Variants in HSPA12A observed in about 807,000 individuals in gnomAD.
HSPA12A encodes heat shock 70 kDa protein 12A.
HSPA12A carries 28 observed loss-of-function variants against 69.2 expected under a neutral mutation model. The observed-to-expected ratio is 0.40, with a 90% CI of 0.30 to 0.55. HSPA12A has a LOEUF of 0.55. Ranked by LOEUF, HSPA12A falls within the 20% of genes least tolerant of loss-of-function variation. HSPA12A has a pLI of 0.38. For missense variants in HSPA12A, 686 were observed against 900.7 expected (o/e 0.76, Z 3.05); for synonymous variants, 345 against 370.5 (o/e 0.93, Z 0.79).
At chr10:116,690,600 A>G (rs1438459067) in intron 6 of HSPA12A, among the ~76,000 whole-genome samples, 1 of 152,124 alleles carries the variant, frequency 6.6e-6, no homozygotes, top group Non-Finnish European at 1.5e-5. Context: ...ATTCATAAAC[A>G]CAGCTCACAT....
chr10:116,791,222 T>C (rs1272347980), intron 2 of HSPA12A, among the ~76,000 whole-genome samples: 2 of 152,174 alleles, frequency 1.3e-5, no homozygotes, highest in African/African-American at 4.8e-5. Context: ...TGTCTGAAGC[T>C]TGAAGAGCCT....
At chr10:116,741,413 A>C (rs1851500958) in intron 1 of HSPA12A, among the ~76,000 whole-genome samples, 1 of 152,156 alleles carries the variant, frequency 6.6e-6, no homozygotes, top group Non-Finnish European at 1.5e-5. Flanking sequence ...CGGCATTTTA[A>C]TATCATCCTC....
intron 10 of HSPA12A, among the ~76,000 whole-genome samples, chr10:116,677,554 T>C (rs185674353): frequency 4.0e-4 from 61 of 152,190 alleles, no homozygotes; most frequent in Admixed American, 1.9e-3. Context: ...GTGCCCTCTG[T>C]GGGGGACTAA....
At chr10:116,846,331 C>CTTTT (rs398054763) in intron 1 of HSPA12A, among the ~76,000 whole-genome samples, 24 of 140,584 alleles carry the variant, frequency 1.7e-4, no homozygotes, top group African/African-American at 6.3e-4. Context: ...TTTTTCTTTT[C>CTTTT]TTTTTTTTTT....
intron 2 of HSPA12A, among the ~76,000 whole-genome samples, chr10:116,756,398 A>C (rs1554888788): frequency 6.6e-6 from 1 of 152,264 alleles, no homozygotes; most frequent in Non-Finnish European, 1.5e-5. Context: ...TTGATTCGAG[A>C]AAACACATTA....
chr10:116,701,987 C>G (rs1229572579), intron 3 of HSPA12A, among the ~76,000 whole-genome samples: 10 of 152,060 alleles, frequency 6.6e-5, no homozygotes, highest in Admixed American at 6.6e-4. Context: ...TATCCTGGAG[C>G]AGAGGTGAAA....
rs1554877040 is a variant in HSPA12A, at chr10:116,673,372, A to G, written c.*1409T>C. 1 of 152,106 alleles carries G rather than the reference A, an allele frequency of 6.6e-6. No individual in the cohort carries two copies. The highest frequency in any genetic ancestry group is 1.5e-5 in the Non-Finnish European group (1 of 68,026). The allele number at this position is 152,106 out of a possible 1,614,324, so 9.4% of individuals were successfully genotyped here. On this transcript the variant is annotated 3_prime_UTR_variant, in exon 12 of 12. Transcript: ENST00000369209. ...GGTGGAGCCCCAATCCCATTGACCA[A>G]GAGGGCAAGGTATGGGGTCACCTTC...
chr10:116,798,478 A>G (rs1844882659), intron 2 of HSPA12A, among the ~76,000 whole-genome samples: 1 of 152,198 alleles, frequency 6.6e-6, no homozygotes, highest in Non-Finnish European at 1.5e-5. Context: ...GCAATGTTCA[A>G]GTGAGTTTCA....
At chr10:116,797,462 G>A (rs765974281) in intron 2 of HSPA12A, among the ~76,000 whole-genome samples, 2 of 152,162 alleles carry the variant, frequency 1.3e-5, no homozygotes, top group Non-Finnish European at 2.9e-5. Flanking sequence ...AGGGCTGTTC[G>A]TGTGGATGTG....
At position 116,674,961 on chromosome 10, in the gene HSPA12A, G is replaced by A. The variant is rs782490956; in HGVS notation, c.1848C>T (p.Pro616=). Reference sequence around the variant, plus strand: ...GGAGCGTGCCACACTTCTTCACCCCGGGATCAGTGATGAAGCTGACGTTGT... The same window carrying A: ...GGAGCGTGCCACACTTCTTCACCCCAGGATCAGTGATGAAGCTGACGTTGT... ...EHDNVSFITD[P]GVKKCGTLRL... is the part of the protein sequence containing the mutation. Residue 616 remains proline, a synonymous_variant, in exon 12 of 12, where the codon CCC becomes CCT. Transcript: ENST00000369209. 88 of 1,614,026 alleles carry A rather than the reference G, an allele frequency of 5.5e-5. No individual in the cohort carries two copies. Among genetic ancestry groups the A allele is most frequent in the Admixed American group, 8.3e-5 (5 of 60,002 alleles).
In HSPA12A at chr10:116,723,627, G is replaced by A. The variant is rs1232256109; in HGVS notation, c.41-16342C>T. On this transcript the variant is annotated intron_variant, in intron 1 of 11. Transcript: ENST00000369209. The surrounding 1 kb of genome is among the most constrained non-coding windows in gnomAD (Gnocchi z 4.1). ...TCCAGCACCGAGCTGGGTGAGGTTA[G>A]GTGCTCAGGAAGCATGGGGCCTCCC... is the stretch of plus-strand genomic sequence containing the variant. Among the ~76,000 whole-genome samples the A allele has an allele frequency of 2.0e-5, 3 of 152,224 alleles. No individual in the cohort carries two copies. The highest frequency in any genetic ancestry group is 7.2e-5 in the African/African-American group (3 of 41,456).
rs1213444586 is a variant in HSPA12A, at chr10:116,723,959, C to T, written c.41-16674G>A. 1.3e-5 allele frequency among the ~76,000 whole-genome samples: 2 copies of T among 152,248 alleles called. No individual in the cohort carries two copies. The highest frequency in any genetic ancestry group is 4.8e-5 in the African/African-American group (2 of 41,468). On this transcript the variant is annotated intron_variant, in intron 1 of 11. Transcript: ENST00000369209. The surrounding 1 kb of genome is among the most constrained non-coding windows in gnomAD (Gnocchi z 4.1). ...CAGGCATAGACAGCACTCTGCTGAG[C>T]CATCCATGGCTGCATGGCCCCAACA...
rs1195097923 is a variant in HSPA12A, at chr10:116,681,049, G to A, written c.1027+103C>T. ...CCACCGCCTACGATCCCACATGTTA[G>A]TGGCATTCAAGAGAATAAAACTGAG... is the stretch of plus-strand genomic sequence containing the variant. On this transcript the variant is annotated intron_variant, in intron 9 of 11. Coordinates refer to ENST00000369209, the MANE Select transcript of HSPA12A (RefSeq NM_025015.3). The A allele has an allele frequency of 3.9e-6, 3 of 764,514 alleles. No individual in the cohort carries two copies. In the African/African-American group the frequency reaches 5.1e-5, roughly 13 times the overall value. The allele number at this position is 764,514 out of a possible 1,614,324, so 47.4% of individuals were successfully genotyped here.
intron 2 of HSPA12A, among the ~76,000 whole-genome samples, chr10:116,796,883 CAT>C (rs5788194): frequency 0.13 from 19,627 of 152,122 alleles, 2,029 homozygotes; most frequent in African/African-American, 0.29. Context: ...TGCAATCTGT[CAT>C]TTCCAAACCC....
intron 1 of HSPA12A, among the ~76,000 whole-genome samples, chr10:116,728,016 G>A (rs1554885266): frequency 1.3e-5 from 2 of 152,088 alleles, no homozygotes; most frequent in African/African-American, 4.8e-5. Context: ...CACCATGTTG[G>A]CCAGGCTGGT....
intron 2 of HSPA12A, among the ~76,000 whole-genome samples, chr10:116,795,523 A>AG (rs1844799698): frequency 6.6e-6 from 1 of 150,616 alleles, no homozygotes; most frequent in African/African-American, 2.4e-5. Context: ...ACTAAAAAAA[A>AG]AAAAATACAA....
chr10:116,714,377 C>T (rs1554883521), intron 1 of HSPA12A, among the ~76,000 whole-genome samples: 1 of 152,152 alleles, frequency 6.6e-6, no homozygotes, highest in Non-Finnish European at 1.5e-5. Context: ...GTAAAACCAC[C>T]ACTGCTCCCA....
At chr10:116,811,722 C>G (rs574604728) in intron 2 of HSPA12A, among the ~76,000 whole-genome samples, 4 of 152,318 alleles carry the variant, frequency 2.6e-5, no homozygotes, top group South Asian at 4.1e-4. Flanking sequence ...ATCAAACTGC[C>G]TGCGCTCCGT....
intron 2 of HSPA12A, among the ~76,000 whole-genome samples, chr10:116,813,643 C>A (rs977194158): frequency 2.0e-5 from 3 of 152,090 alleles, no homozygotes; most frequent in Non-Finnish European, 4.4e-5. Context: ...CTTTGGGAGG[C>A]CAAGGCGGGA....
Sources: allele counts gnomAD v4.1 joint callset (sites outside exome capture counted in the v4.1 genomes callset), GRCh38; gene constraint gnomAD v4.1.1; non-coding constraint Gnocchi (gnomAD v3.1); transcripts MANE v1.5; gene names NCBI Gene and HGNC (gene_info 2026-07-23, HGNC 2026-07-21).